The following KIF13B variants were observed in gnomAD, a reference collection of about 807,000 sequenced individuals.
KIF13B encodes the protein kinesin family member 13B.
Under a neutral mutation model 222.0 loss-of-function variants are expected in KIF13B, and 127 were observed. That is an observed-to-expected ratio of 0.57 (90% CI 0.50 to 0.66). The LOEUF (loss-of-function observed/expected upper bound fraction) is 0.66. KIF13B is among the 30% of genes least tolerant of loss of function. The probability of loss-of-function intolerance (pLI) is 0.00; values close to 1 mark genes in which losing one functional copy is unlikely to be tolerated. For missense variants in KIF13B, 2,173 were observed against 2,379.0 expected (o/e 0.91, Z 1.80); for synonymous variants, 976 against 919.0 (o/e 1.06, Z -1.12).
At chr8:29,077,276 C>T (rs2133488207) in intron 37 of KIF13B, among the ~76,000 whole-genome samples, 1 of 152,280 alleles carries the variant, frequency 6.6e-6, no homozygotes, top group South Asian at 2.1e-4. Flanking sequence ...CCTTCTGTCC[C>T]ACTACTGCTC....
At chr8:29,226,698 C>T (rs149361694) in intron 2 of KIF13B, among the ~76,000 whole-genome samples, 2 of 152,294 alleles carry the variant, frequency 1.3e-5, no homozygotes, top group African/African-American at 2.4e-5. Flanking sequence ...TTTACACCCG[C>T]GTGGTCTCTG....
chr8:29,241,181 C>T (rs1485743705), intron 2 of KIF13B, among the ~76,000 whole-genome samples: 3 of 152,100 alleles, frequency 2.0e-5, no homozygotes, highest in Non-Finnish European at 4.4e-5. Context: ...TGCTAAGAAG[C>T]CAATCACAGA....
rs543693721 is a variant in KIF13B at position 29,068,358 on chromosome 8, G to A, written c.*2146C>T. On this transcript the variant is annotated 3_prime_UTR_variant, in exon 40 of 40. Transcript: ENST00000524189. The surrounding 1 kb of genome is among the most constrained non-coding windows in gnomAD (Gnocchi z 4.4). Reference sequence around the variant, plus strand: ...TGCCAAGTGCTGGCCCGGGGTCAGCGGGGCTCACTGCCTTGGTGACCACGT... The same window carrying A: ...TGCCAAGTGCTGGCCCGGGGTCAGCAGGGCTCACTGCCTTGGTGACCACGT... The A allele has an allele frequency of 3.3e-5, 5 of 152,284 alleles. No individual in the cohort carries two copies. Among genetic ancestry groups the A allele is most frequent in the African/African-American group, 9.6e-5 (4 of 41,520 alleles). The allele number at this position is 152,284 out of a possible 1,614,324, so 9.4% of individuals were successfully genotyped here. A position where few individuals can be genotyped will look rare whatever the true frequency, so the allele number is the denominator to read the frequency against.
intron 33 of KIF13B, 74 bp from the exon 34 acceptor site, chr8:29,109,585 G>A: frequency 8.6e-7 from 1 of 1,164,944 alleles, no homozygotes. Context: ...ATGTACAGCA[G>A]ACTTGCAACC....
chr8:29,155,931 CT>C, intron 13 of KIF13B, 75 bp from the exon 14 acceptor site: 1 of 1,216,160 alleles, frequency 8.2e-7, no homozygotes, highest in South Asian at 1.3e-5. Flanking sequence ...ACACTGAGCC[CT>C]CTTATATTGT....
intron 4 of KIF13B, chr8:29,190,642 T>A: frequency 4.7e-6 from 1 of 212,760 alleles, no homozygotes; most frequent in Non-Finnish European, 9.4e-6. Context: ...GTGGGAACCC[T>A]AATTGGAAGC....
At position 29,108,198 on chromosome 8, in the gene KIF13B, G is replaced by T. The variant is rs1809184837; in HGVS notation, c.4162-6C>A. On this transcript the variant is annotated splice_region_variant and splice_polypyrimidine_tract_variant and intron_variant, in intron 34 of 39. Transcript: ENST00000524189. ...TCTTGTCGGCTTCCAGACAACTGAAGAAGAAAGAAAGGGGGGTTAGTTATT... is the reference window on the plus strand; with the variant it reads ...TCTTGTCGGCTTCCAGACAACTGAATAAGAAAGAAAGGGGGGTTAGTTATT... The T allele has an allele frequency of 6.2e-7, 1 of 1,611,274 alleles. No homozygotes were observed. The highest frequency in any genetic ancestry group is 1.3e-5 in the African/African-American group (1 of 74,882).
At chr8:29,107,785 C>A (rs1809158863) in intron 35 of KIF13B, among the ~76,000 whole-genome samples, 1 of 152,072 alleles carries the variant, frequency 6.6e-6, no homozygotes, top group Non-Finnish European at 1.5e-5. Flanking sequence ...TGGTCTCGAT[C>A]TCCTGACCTC....
intron 10 of KIF13B, among the ~76,000 whole-genome samples, chr8:29,171,251 C>T (rs1812223024): frequency 6.6e-6 from 1 of 152,204 alleles, no homozygotes; most frequent in African/African-American, 2.4e-5. Flanking sequence ...AAATAGTTCT[C>T]CAGTGATGAC....
At chr8:29,194,149 T>C (rs1313704872) in intron 3 of KIF13B, among the ~76,000 whole-genome samples, 1 of 152,024 alleles carries the variant, frequency 6.6e-6, no homozygotes, top group Non-Finnish European at 1.5e-5. Context: ...TATTGTTGTA[T>C]TATTTTTCAT....
In KIF13B at chr8:29,099,196, T is replaced by C; in HGVS notation, c.4261A>G (p.Arg1421Gly). 1 of 1,613,738 alleles carries C rather than the reference T, an allele frequency of 6.2e-7. No homozygotes were observed. The highest frequency in any genetic ancestry group is 8.5e-7 in the Non-Finnish European group (1 of 1,179,764). ...AGGGCGGGGGCAGGAGCTATTCCTC[T>C]GGAAACTGTGGTTTGGGATACATCC... is the stretch of plus-strand genomic sequence containing the variant. Reference protein sequence around the residue: ...QQDVSQTTVSRGIAPAPALSV... With the variant: ...QQDVSQTTVSGGIAPAPALSV... Residue 1421 changes from arginine to glycine, a missense_variant, in exon 36 of 40, where the codon AGA becomes GGA. Physicochemically the swap from Arg to Gly is moderately radical, Grantham distance 125. Transcript: ENST00000524189.
At chr8:29,251,807 T>C (rs1816295614) in intron 1 of KIF13B, among the ~76,000 whole-genome samples, 1 of 152,158 alleles carries the variant, frequency 6.6e-6, no homozygotes, top group Admixed American at 6.5e-5. Context: ...CTCAATACTA[T>C]TATAAGTAAC....
At chr8:29,177,827 T>C (rs1483296088) in intron 8 of KIF13B, among the ~76,000 whole-genome samples, 1 of 152,194 alleles carries the variant, frequency 6.6e-6, no homozygotes, top group African/African-American at 2.4e-5. Flanking sequence ...GGAGATCACT[T>C]GAGCCCAGAA....
chr8:29,138,118 G>C (rs1412134458), intron 21 of KIF13B, among the ~76,000 whole-genome samples: 1 of 152,210 alleles, frequency 6.6e-6, no homozygotes, highest in Non-Finnish European at 1.5e-5. Flanking sequence ...GAGAGGCTGA[G>C]ACAGGTGGAT....
intron 1 of KIF13B, 62 bp from the exon 2 acceptor site, chr8:29,245,501 A>C (rs1586980649): frequency 1.6e-6 from 2 of 1,226,952 alleles, no homozygotes; most frequent in Middle Eastern, 3.7e-4. Flanking sequence ...AGAAAAGGCA[A>C]AATTCAGAAA....
chr8:29,233,572 T>C (rs1378704), intron 2 of KIF13B, among the ~76,000 whole-genome samples: 32,067 of 152,230 alleles, frequency 0.21, 3,624 homozygotes, highest in African/African-American at 0.27. Context: ...GATCAGAGAT[T>C]CTCAAATTTT....
intron 38 of KIF13B, 23 bp from the exon 39 acceptor site, chr8:29,072,339 G>T (rs760048009): frequency 1.9e-5 from 26 of 1,381,598 alleles, no homozygotes; most frequent in Admixed American, 3.1e-5. Flanking sequence ...GGGGAAGCAG[G>T]GGCTGAGAAC....
At chr8:29,114,209 A>G (rs1211383767) in intron 31 of KIF13B, among the ~76,000 whole-genome samples, 3 of 152,204 alleles carry the variant, frequency 2.0e-5, no homozygotes, top group African/African-American at 4.8e-5. Context: ...TAAAGGGGAG[A>G]GCACATGAAA....
chr8:29,110,468 C>T (rs2133612615), intron 32 of KIF13B: 1 of 209,696 alleles, frequency 4.8e-6, no homozygotes, highest in South Asian at 7.1e-5. Flanking sequence ...GGGGTGACTG[C>T]TACACAGCGT....
Sources: allele counts gnomAD v4.1 joint callset (sites outside exome capture counted in the v4.1 genomes callset), GRCh38; gene constraint gnomAD v4.1.1; non-coding constraint Gnocchi (gnomAD v3.1); transcripts MANE v1.5; gene names NCBI Gene and HGNC (gene_info 2026-07-23, HGNC 2026-07-21).